VGLL4: variants seen among roughly 807,000 people sequenced by gnomAD.
The protein encoded by VGLL4 is transcription cofactor vestigial-like protein 4.
VGLL4 carries 7 observed loss-of-function variants against 21.0 expected under a neutral mutation model. The observed-to-expected ratio is 0.33, with a 90% confidence interval of 0.19 to 0.63. The LOEUF (loss-of-function observed/expected upper bound fraction) is 0.63, where lower values mean the gene tolerates loss of function less well. Among genes scored for constraint, VGLL4 ranks in the 20% least tolerant of loss-of-function variants. The pLI, the probability that VGLL4 is intolerant of heterozygous loss-of-function variation, is 0.78. For missense variants in VGLL4, 394 were observed against 425.7 expected (o/e 0.93, Z 0.66); for synonymous variants, 222 against 173.2 (o/e 1.28, Z -2.21).
chr3:11,565,438 A>G lies in VGLL4; in HGVS notation c.273-419T>C, dbSNP rs150358609. Among the ~76,000 whole-genome samples, 61 of 152,258 alleles carry G rather than the reference A, an allele frequency of 4.0e-4. No individual in the cohort carries two copies. In the East Asian group the frequency reaches 0.01, roughly 26 times the overall value. On this transcript the variant is annotated intron_variant, in intron 2 of 4. Coordinates refer to ENST00000430365, the MANE Select transcript of VGLL4 (RefSeq NM_001128219.3). This position sits in a 1 kb window ranked among gnomAD's most constrained non-coding sequence, Gnocchi z 4.1. ...GCGTCCTACATGCAGGGCCCTATTC[A>G]AAGCCTCCACAGCACTGCTCAGCCC...
At chr3:11,629,734 C>A (rs2075435803) in intron 1 of VGLL4, among the ~76,000 whole-genome samples, 1 of 118,760 alleles carries the variant, frequency 8.4e-6, no homozygotes, top group Non-Finnish European at 1.6e-5. Flanking sequence ...GGCTACAGAG[C>A]GAGACGGGTC....
chr3:11,609,012 C>T (rs566304434), intron 1 of VGLL4, among the ~76,000 whole-genome samples: 29 of 152,194 alleles, frequency 1.9e-4, no homozygotes, highest in African/African-American at 6.5e-4. Context: ...TACAAGTGCT[C>T]GCCACCATGC....
chr3:11,700,982 G>GA (rs1295502639), intron 2 of VGLL4, among the ~76,000 whole-genome samples: 1 of 152,074 alleles, frequency 6.6e-6, no homozygotes, highest in African/African-American at 2.4e-5. Flanking sequence ...ACAAGAGGTT[G>GA]AAAAAACCTT....
intron 2 of VGLL4, among the ~76,000 whole-genome samples, chr3:11,666,986 C>A (rs1033655892): frequency 6.6e-6 from 1 of 152,214 alleles, no homozygotes. Flanking sequence ...TGATGCAGAT[C>A]TTCTCCAAAG....
chr3:11,703,634 G>A (rs995100732), intron 1 of VGLL4, among the ~76,000 whole-genome samples: 8 of 152,106 alleles, frequency 5.3e-5, no homozygotes, highest in African/African-American at 1.9e-4. Flanking sequence ...TTTTATTGTT[G>A]TTTCCTTAAA....
chr3:11,705,157 G>A (rs1450079740), intron 1 of VGLL4, among the ~76,000 whole-genome samples: 1 of 152,226 alleles, frequency 6.6e-6, no homozygotes, highest in Non-Finnish European at 1.5e-5. Flanking sequence ...CTCCATCTAA[G>A]CAGAAAAGCG....
rs559947530 is a variant in VGLL4 at position 11,640,578 on chromosome 3, C to T, written c.82+2859G>A. 1.8e-4 allele frequency among the ~76,000 whole-genome samples: 27 copies of T among 152,306 alleles called. 1 individual carries two copies. In the South Asian group the frequency reaches 5.2e-3, roughly 29 times the overall value. ...GAAGTCAGCCAGACTTCGATTCTTC[C>T]GGCCCTCTCCCTAACGTCTCCTTCT... On this transcript the variant is annotated intron_variant, in intron 1 of 4. Transcript: ENST00000430365.
At chr3:11,686,988 G>C (rs534625710) in intron 2 of VGLL4, among the ~76,000 whole-genome samples, 1 of 151,980 alleles carries the variant, frequency 6.6e-6, no homozygotes, top group Admixed American at 6.6e-5. Context: ...TGTATAGGTG[G>C]TGTTGGCTGA....
chr3:11,654,070 T>C (rs550147321), intron 2 of VGLL4, among the ~76,000 whole-genome samples: 1 of 151,606 alleles, frequency 6.6e-6, no homozygotes, highest in Non-Finnish European at 1.5e-5. Context: ...CATCCTACAA[T>C]GCATAGGACA....
intron 1 of VGLL4, among the ~76,000 whole-genome samples, chr3:11,707,859 T>TA (rs1278800132): frequency 2.0e-5 from 3 of 152,218 alleles, no homozygotes; most frequent in East Asian, 1.9e-4. Flanking sequence ...ACCCCATCTG[T>TA]AAAAAACAAA....
intron 2 of VGLL4, among the ~76,000 whole-genome samples, chr3:11,672,799 C>T (rs775940677): frequency 2.0e-5 from 3 of 152,176 alleles, no homozygotes; most frequent in Non-Finnish European, 4.4e-5. Context: ...TAATAATCTA[C>T]AGAAGGCAGA....
intron 1 of VGLL4, among the ~76,000 whole-genome samples, chr3:11,630,188 G>A (rs766150800): frequency 5.9e-5 from 9 of 152,180 alleles, no homozygotes; most frequent in Non-Finnish European, 1.0e-4. Context: ...CCAAAAGTAC[G>A]GAATATATCT....
At chr3:11,671,054 G>T (rs761698277) in intron 2 of VGLL4, among the ~76,000 whole-genome samples, 1 of 152,180 alleles carries the variant, frequency 6.6e-6, no homozygotes, top group African/African-American at 2.4e-5. Flanking sequence ...TTAAAAAGGA[G>T]AGGGTGGTGC....
rs866393045 is a variant in VGLL4 at position 11,601,719 on chromosome 3, T to C, written c.272+114A>G. On this transcript the variant is annotated intron_variant, in intron 2 of 4. Coordinates refer to ENST00000430365, the MANE Select transcript of VGLL4 (RefSeq NM_001128219.3). Reference sequence around the variant, plus strand: ...TACTATTTTTCTTTTGTAAATAATATCCTTTTCAAATAAAGTATGCAAATG... The same window carrying C: ...TACTATTTTTCTTTTGTAAATAATACCCTTTTCAAATAAAGTATGCAAATG... The C allele has an allele frequency of 3.1e-5, 39 of 1,265,726 alleles. No homozygotes were observed. In the South Asian group the frequency reaches 4.7e-4, roughly 15 times the overall value. 78.4% of individuals were successfully genotyped at this position (1,265,726 alleles called of 1,614,324 possible).
intron 2 of VGLL4, among the ~76,000 whole-genome samples, chr3:11,581,077 T>TA (rs2074209896): frequency 1.3e-5 from 2 of 151,458 alleles, no homozygotes; most frequent in Non-Finnish European, 2.9e-5. Flanking sequence ...TTTTTTTTTT[T>TA]TAAAAAAAAA....
chr3:11,621,576 G>A (rs2075267683), intron 1 of VGLL4, among the ~76,000 whole-genome samples: 1 of 152,164 alleles, frequency 6.6e-6, no homozygotes, highest in Admixed American at 6.5e-5. Flanking sequence ...ATCAGCTGAT[G>A]GGTATTTGGA....
In VGLL4 at chr3:11,574,911, C is replaced by T. The variant is rs190352826; in HGVS notation, c.273-9892G>A. Among the ~76,000 whole-genome samples the T allele has an allele frequency of 3.7e-4, 56 of 151,582 alleles. 1 individual carries two copies. In the East Asian group the frequency reaches 4.5e-3, roughly 12 times the overall value. ...CCAGGAAAAAGAGCCCCATCTTATG[C>T]GCCTACATACAAAAGGGAAGAAGCT... On this transcript the variant is annotated intron_variant, in intron 2 of 4. Coordinates refer to ENST00000430365, the MANE Select transcript of VGLL4 (RefSeq NM_001128219.3).
At chr3:11,680,384 A>G (rs2076351771) in intron 2 of VGLL4, among the ~76,000 whole-genome samples, 1 of 152,212 alleles carries the variant, frequency 6.6e-6, no homozygotes, top group South Asian at 2.1e-4. Context: ...ACATCTACTC[A>G]GAGAAATAAT....
At position 11,719,781 on chromosome 3, in the gene VGLL4, A is replaced by C. The variant is rs2881287; in HGVS notation, c.-14+613T>G. Reference sequence around the variant, plus strand: ...GGGCGAGGCCTCCCGCGGCAGGGAGAGGCCGCTTTCCCTCCCCCGCCAGCT... The same window carrying C: ...GGGCGAGGCCTCCCGCGGCAGGGAGCGGCCGCTTTCCCTCCCCCGCCAGCT... On this transcript the variant is annotated intron_variant, in intron 1 of 5. Transcript: ENST00000273038. This position sits in a 1 kb window ranked among gnomAD's most constrained non-coding sequence, Gnocchi z 4.0. 0.48 allele frequency: 73,303 copies of C among 151,918 alleles called. 19,497 individuals are homozygous for C. The highest frequency in any genetic ancestry group is 0.6 in the Non-Finnish European group (40,661 of 67,988). The allele number at this position is 151,918 out of a possible 1,614,324, so 9.4% of individuals were successfully genotyped here. A position where few individuals can be genotyped will look rare whatever the true frequency, so the allele number is the denominator to read the frequency against.
Sources: allele counts gnomAD v4.1 joint callset (sites outside exome capture counted in the v4.1 genomes callset), GRCh38; gene constraint gnomAD v4.1.1; non-coding constraint Gnocchi (gnomAD v3.1); transcripts MANE v1.5; gene names NCBI Gene and HGNC (gene_info 2026-07-23, HGNC 2026-07-21).